Variants in SPON2 observed in about 807,000 individuals in gnomAD.
The protein encoded by SPON2 is spondin 2, also known as spondin-2.
SPON2 carries 32 observed loss-of-function variants against 29.9 expected under a neutral mutation model. That is an observed-to-expected ratio of 1.07 (90% CI 0.81 to 1.44). SPON2 has a LOEUF of 1.44. Ranked by LOEUF, SPON2 falls within the 40% of genes most tolerant of loss-of-function variation. The probability of loss-of-function intolerance (pLI) is 0.00; values close to 1 mark genes in which losing one functional copy is unlikely to be tolerated. For missense variants in SPON2, 541 were observed against 455.5 expected (o/e 1.19, Z -1.71); for synonymous variants, 248 against 209.1 (o/e 1.19, Z -1.61).
intron 1 of SPON2, 165 bp from the exon 2 acceptor site, chr4:1,172,239 C>T (rs1727484283): frequency 3.1e-6 from 2 of 641,472 alleles, no homozygotes; most frequent in Admixed American, 5.8e-5. Context: ...AGACCCCCAT[C>T]AGCGGAATGG....
Position 1,167,222 on chromosome 4 carries a change from G to A in SPON2, c.*250C>T, listed in dbSNP as rs1727264094. 3 of 482,146 alleles carry A rather than the reference G, an allele frequency of 6.2e-6. No individual in the cohort carries two copies. In the East Asian group the frequency reaches 1.0e-4, roughly 16 times the overall value. The allele number at this position is 482,146 out of a possible 1,614,324, so 29.9% of individuals were successfully genotyped here. A position where few individuals can be genotyped will look rare whatever the true frequency, so the allele number is the denominator to read the frequency against. ...TTGGGGATGACTTTATCCTGCAGGA[G>A]GAGGAGGCTGAGAGCAGACGGGACA... On this transcript the variant is annotated 3_prime_UTR_variant, in exon 6 of 6. Coordinates refer to ENST00000290902, the MANE Select transcript of SPON2 (RefSeq NM_012445.4).
intron 1 of SPON2, among the ~76,000 whole-genome samples, chr4:1,204,533 A>G (rs1728292480): frequency 6.6e-6 from 1 of 152,184 alleles, no homozygotes; most frequent in South Asian, 2.1e-4. Flanking sequence ...CCCACGCACC[A>G]GCTCCACACG....
chr4:1,200,512 C>G (rs1412770259), intron 1 of SPON2: 2 of 305,194 alleles, frequency 6.6e-6, no homozygotes, highest in African/African-American at 4.4e-5. Context: ...GGCTCAGCCT[C>G]TGCGCTTCTG....
chr4:1,168,444 G>A (rs1727318066), intron 5 of SPON2, among the ~76,000 whole-genome samples: 1 of 152,250 alleles, frequency 6.6e-6, no homozygotes, highest in African/African-American at 2.4e-5. Context: ...AGAGAGTGGA[G>A]AAGGGGGTCA....
At chr4:1,184,805 T>A (rs1490326887) in intron 1 of SPON2, among the ~76,000 whole-genome samples, 1 of 151,704 alleles carries the variant, frequency 6.6e-6, no homozygotes, top group Non-Finnish European at 1.5e-5. Context: ...GGTGTCATAG[T>A]GTGTGCCAGT....
At chr4:1,204,415 G>A (rs1728289484) in intron 1 of SPON2, among the ~76,000 whole-genome samples, 1 of 152,198 alleles carries the variant, frequency 6.6e-6, no homozygotes, top group Non-Finnish European at 1.5e-5. Flanking sequence ...ACCCGGGAGG[G>A]TGGCTTTGCA....
At chr4:1,179,030 G>A (rs1577902729) in intron 2 of SPON2, among the ~76,000 whole-genome samples, 1 of 152,202 alleles carries the variant, frequency 6.6e-6, no homozygotes, top group African/African-American at 2.4e-5. Context: ...CCAGAGTCTT[G>A]GATTCAGCTT....
intron 1 of SPON2, among the ~76,000 whole-genome samples, chr4:1,206,502 C>A (rs1249161854): frequency 6.6e-6 from 1 of 152,236 alleles, no homozygotes; most frequent in Non-Finnish European, 1.5e-5. Context: ...GGGGCAGGGA[C>A]CAACAGCAAA....
At chr4:1,185,168 G>A (rs112158416) in intron 1 of SPON2, among the ~76,000 whole-genome samples, 2,860 of 151,282 alleles carry the variant, frequency 0.019, 107 homozygotes, top group African/African-American at 0.065. Context: ...CCGTCTCCTG[G>A]GTTCAAGCAA....
chr4:1,171,048 G>T lies in SPON2; in HGVS notation c.587C>A (p.Thr196Asn), dbSNP rs1383588469. 1.3e-6 allele frequency: 2 copies of T among 1,549,044 alleles called. No homozygotes were observed. Among genetic ancestry groups the T allele is most frequent in the African/African-American group, 2.7e-5 (2 of 72,982 alleles). The change falls in exon 4 of 6, where the codon ACC becomes AAC. Residue 196 changes from threonine (T) to asparagine (N), a missense_variant. By Grantham distance (65) the Thr-to-Asn change is moderately conservative. Transcript: ENST00000290902. Reference protein sequence around the residue: ...PYDAGTDSGFTFSSPNFATIP... With the variant: ...PYDAGTDSGFNFSSPNFATIP... Reference sequence around the variant, plus strand: ...GGTGGCGAAGTTGGGGGAGGAGAAGGTGAAGCCGCTGTCCGTCCCGGCGTC... The same window carrying T: ...GGTGGCGAAGTTGGGGGAGGAGAAGTTGAAGCCGCTGTCCGTCCCGGCGTC...
At chr4:1,168,490 C>G (rs1727319401) in intron 5 of SPON2, among the ~76,000 whole-genome samples, 1 of 152,230 alleles carries the variant, frequency 6.6e-6, no homozygotes. Context: ...GTCTGGAAGC[C>G]CTGGCCAGGC....
chr4:1,191,805 G>A (rs963756137), intron 1 of SPON2, among the ~76,000 whole-genome samples: 24 of 152,370 alleles, frequency 1.6e-4, no homozygotes, highest in Admixed American at 1.4e-3. Flanking sequence ...TTGGATCAGT[G>A]TGGAGAGAGG....
At chr4:1,198,334 G>T (rs1262680262), upstream of SPON2, among the ~76,000 whole-genome samples, 1 of 152,182 alleles carries the variant, frequency 6.6e-6, no homozygotes, top group African/African-American at 2.4e-5. Context: ...GAGGCACCAG[G>T]AGCAGATGTC....
intron 1 of SPON2, among the ~76,000 whole-genome samples, chr4:1,206,818 C>T (rs890467128): frequency 6.6e-6 from 1 of 151,966 alleles, no homozygotes; most frequent in Non-Finnish European, 1.5e-5. Context: ...GGTGTAAAAG[C>T]AGATGGCTTT....
intron 1 of SPON2, among the ~76,000 whole-genome samples, chr4:1,181,920 C>CT: frequency 6.6e-6 from 1 of 152,254 alleles, no homozygotes; most frequent in Non-Finnish European, 1.5e-5. Flanking sequence ...CTCCTTTTCC[C>CT]TTTTTGGAAG....
chr4:1,190,800 G>A (rs1340257124), intron 1 of SPON2, among the ~76,000 whole-genome samples: 4 of 152,014 alleles, frequency 2.6e-5, no homozygotes, highest in African/African-American at 7.3e-5. Context: ...AATCAGTCAC[G>A]TTTCTAAAAC....
intron 1 of SPON2, among the ~76,000 whole-genome samples, chr4:1,192,658 C>T (rs544770392): frequency 2.0e-5 from 3 of 152,316 alleles, no homozygotes; most frequent in Non-Finnish European, 2.9e-5. Context: ...CTCCTTGTTT[C>T]TTAGCCTCTT....
chr4:1,201,113 C>T (rs1728192741), intron 1 of SPON2: 1 of 455,544 alleles, frequency 2.2e-6, no homozygotes, highest in Non-Finnish European at 4.4e-6. Flanking sequence ...CCACATGGCC[C>T]TCTGCGGTCA....
chr4:1,194,374 G>A (rs989212693), intron 1 of SPON2, among the ~76,000 whole-genome samples: 2 of 152,206 alleles, frequency 1.3e-5, no homozygotes, highest in African/African-American at 4.8e-5. Flanking sequence ...CGAGCCCCAG[G>A]GTGGGAGGCC....
Sources: allele counts gnomAD v4.1 joint callset (sites outside exome capture counted in the v4.1 genomes callset), GRCh38; gene constraint gnomAD v4.1.1; transcripts MANE v1.5; gene names NCBI Gene and HGNC (gene_info 2026-07-23, HGNC 2026-07-21).